Variants in ZNF773 observed in about 807,000 individuals in gnomAD.
The protein encoded by ZNF773 is zinc finger protein 419B.
In ZNF773, 11 loss-of-function variants were observed where a neutral mutation model predicts 12.8. That is an observed-to-expected ratio of 0.86 (90% CI 0.54 to 1.42). ZNF773 has a LOEUF of 1.42. Among genes scored for constraint, ZNF773 ranks in the 40% most tolerant of loss-of-function variants. The probability of loss-of-function intolerance (pLI) is 0.00; values close to 1 mark genes in which losing one functional copy is unlikely to be tolerated. For synonymous variants in ZNF773, 175 were observed against 178.4 expected (o/e 0.98, Z 0.15); for missense variants, 518 against 527.2 (o/e 0.98, Z 0.17).
At chr19:57,513,124 G>T, downstream of ZNF773, 1 of 1,430,908 alleles carries the variant, frequency 7.0e-7, no homozygotes, top group Non-Finnish European at 9.2e-7. Flanking sequence ...AGAAACCCCA[G>T]GACAAGTCTG....
chr19:57,506,240 C>T, intron 3 of ZNF773, 118 bp from the exon 4 acceptor site: 1 of 1,481,932 alleles, frequency 6.7e-7, no homozygotes, highest in Non-Finnish European at 9.0e-7. Context: ...AAGCGCTAGC[C>T]CCCTCATTCT....
Position 57,508,197 on chromosome 19 carries a change from G to T in ZNF773, c.*773G>T. The stretch of plus-strand genomic sequence containing the variant: ...GAAACTCTGAGGGTGATCTTTATGA[G>T]GGAGCTGGCAATTGAACATCATTCA... On this transcript the variant is annotated 3_prime_UTR_variant, in exon 4 of 4. Transcript: ENST00000282292. 1 of 1,057,866 alleles carries T rather than the reference G, an allele frequency of 9.5e-7. No individual in the cohort carries two copies. The highest frequency in any genetic ancestry group is 5.3e-5 in the Admixed American group (1 of 18,850). The allele number at this position is 1,057,866 out of a possible 1,614,324, so 65.5% of individuals were successfully genotyped here.
chr19:57,506,291 C>T lies in ZNF773; in HGVS notation c.263-67C>T, dbSNP rs200137463. Reference sequence around the variant, plus strand: ...CGCTAATTACCAGGTGTGTCAGACACGTGTGAGAGTGCTGCCTTCTCACAC... The same window carrying T: ...CGCTAATTACCAGGTGTGTCAGACATGTGTGAGAGTGCTGCCTTCTCACAC... On this transcript the variant is annotated intron_variant, in intron 3 of 3. Transcript: ENST00000282292. 5.3e-4 allele frequency: 814 copies of T among 1,547,580 alleles called. 7 individuals are homozygous for T. The highest frequency in any genetic ancestry group is 2.2e-3 in the South Asian group (173 of 78,338).
intron 3 of ZNF773, among the ~76,000 whole-genome samples, chr19:57,505,843 A>G (rs1486906028): frequency 6.6e-6 from 1 of 151,336 alleles, no homozygotes; most frequent in Non-Finnish European, 1.5e-5. Flanking sequence ...CCTAGTAGCC[A>G]GGACTACAGG....
chr19:57,512,189 G>T (rs2089800759), downstream of ZNF773, among the ~76,000 whole-genome samples: 1 of 152,032 alleles, frequency 6.6e-6, no homozygotes, highest in African/African-American at 2.4e-5. Flanking sequence ...AAAGTTTTTT[G>T]AATATTTGAG....
intron 1 of ZNF773, among the ~76,000 whole-genome samples, chr19:57,503,617 C>A (rs1376123319): frequency 6.6e-6 from 1 of 150,516 alleles, no homozygotes; most frequent in Non-Finnish European, 1.5e-5. Flanking sequence ...CAAATGAGGT[C>A]ATCTGAGAGA....
At chr19:57,503,318 C>T (rs1217456316) in intron 1 of ZNF773, among the ~76,000 whole-genome samples, 2 of 152,034 alleles carry the variant, frequency 1.3e-5, no homozygotes. Flanking sequence ...TGTATAGGGG[C>T]CAAGAACTGG....
chr19:57,511,055 ATT>A (rs58295363), downstream of ZNF773, among the ~76,000 whole-genome samples: 42,452 of 115,710 alleles, frequency 0.37, 7,445 homozygotes, highest in East Asian at 0.64. Flanking sequence ...TATTTTATTT[ATT>A]TTTTTTTTTT....
rs774422737 is a variant in ZNF773 at position 57,507,439 on chromosome 19, T to G, written c.*15T>G. On this transcript the variant is annotated 3_prime_UTR_variant, in exon 4 of 4. Transcript: ENST00000282292. ...AAATACAATGATTGTGAGAAATCCTTTAGCTGGTGTTTCAACCTCATTCAA... is the reference window on the plus strand; with the variant it reads ...AAATACAATGATTGTGAGAAATCCTGTAGCTGGTGTTTCAACCTCATTCAA... 2.0e-5 allele frequency: 32 copies of G among 1,565,930 alleles called. No individual in the cohort carries two copies. The highest frequency in any genetic ancestry group is 2.8e-5 in the Non-Finnish European group (32 of 1,159,978).
intron 1 of ZNF773, among the ~76,000 whole-genome samples, chr19:57,501,155 C>T (rs2089665402): frequency 6.6e-6 from 1 of 152,182 alleles, no homozygotes; most frequent in African/African-American, 2.4e-5. Flanking sequence ...CCCTAGCTAT[C>T]AGCACAGGTG....
In ZNF773 at chr19:57,507,039, A is replaced by G. The variant is rs774849624; in HGVS notation, c.944A>G (p.Asn315Ser). 2 of 1,613,868 alleles carry G rather than the reference A, an allele frequency of 1.2e-6. No individual in the cohort carries two copies. Among genetic ancestry groups the G allele is most frequent in the South Asian group, 2.2e-5 (2 of 91,064 alleles). The change falls in exon 4 of 4, where the codon AAC (asparagine) becomes AGC (serine). Residue 315 changes from asparagine (N) to serine (S), a missense_variant. By Grantham distance (46) the Asn-to-Ser change is conservative (BLOSUM62 1). Transcript: ENST00000282292. ...CSECGKLFSF[N>S]SSLMKHQRVH... Reference sequence around the variant, plus strand: ...GAATGTGGAAAATTGTTTAGTTTCAACTCCAGCCTCATGAAACATCAGAGA... The same window carrying G: ...GAATGTGGAAAATTGTTTAGTTTCAGCTCCAGCCTCATGAAACATCAGAGA...
At position 57,507,715 on chromosome 19, in the gene ZNF773, T is replaced by G. The variant is rs2089757484; in HGVS notation, c.*291T>G. The G allele has an allele frequency of 8.4e-7, 1 of 1,190,714 alleles. No individual in the cohort carries two copies. The highest frequency in any genetic ancestry group is 4.1e-5 in the Admixed American group (1 of 24,154). The allele number at this position is 1,190,714 out of a possible 1,614,324, so 73.8% of individuals were successfully genotyped here. A position where few individuals can be genotyped will look rare whatever the true frequency, so the allele number is the denominator to read the frequency against. ...ACAGCCAGGCGTGGTGGCTGACACC[T>G]GTTATTCTCACCACTTTGGGAGGCT... On this transcript the variant is annotated 3_prime_UTR_variant, in exon 4 of 4. Coordinates refer to ENST00000282292, the MANE Select transcript of ZNF773 (RefSeq NM_198542.3).
At chr19:57,514,609 T>C (rs1287951135), downstream of ZNF773, 1 of 152,210 alleles carries the variant, frequency 6.6e-6, no homozygotes, top group Non-Finnish European at 1.5e-5. Context: ...GTAATAGTAT[T>C]AGAATGGCTT....
downstream of ZNF773, chr19:57,514,564 C>T (rs1216556173): frequency 6.6e-6 from 1 of 152,218 alleles, no homozygotes; most frequent in Non-Finnish European, 1.5e-5. Flanking sequence ...TCCCATTCTC[C>T]AACAGGACTT....
chr19:57,505,639 T>C (rs2089721520), intron 3 of ZNF773, among the ~76,000 whole-genome samples: 1 of 152,016 alleles, frequency 6.6e-6, no homozygotes, highest in South Asian at 2.1e-4. Flanking sequence ...AGCAGTGGCT[T>C]TCACTGAATG....
chr19:57,512,519 T>C (rs2089803590), downstream of ZNF773, among the ~76,000 whole-genome samples: 1 of 151,396 alleles, frequency 6.6e-6, no homozygotes, highest in Non-Finnish European at 1.5e-5. Context: ...TTCTCCTGTC[T>C]CAGTCTCCTG....
At chr19:57,514,852 T>G (rs2089822001), downstream of ZNF773, 1 of 152,074 alleles carries the variant, frequency 6.6e-6, no homozygotes, top group African/African-American at 2.4e-5. Flanking sequence ...CAGACAAAAT[T>G]TTGCAATTTT....
At chr19:57,511,817 C>T (rs1252786927), downstream of ZNF773, among the ~76,000 whole-genome samples, 1 of 151,796 alleles carries the variant, frequency 6.6e-6, no homozygotes, top group East Asian at 1.9e-4. Flanking sequence ...CCTTAAAATA[C>T]CATTCAACAA....
At chr19:57,513,256 G>C, downstream of ZNF773, 3 of 506,098 alleles carry the variant, frequency 5.9e-6, no homozygotes. Flanking sequence ...TCACTTAAAG[G>C]TTTACTTAAA....
Sources: allele counts gnomAD v4.1 joint callset (sites outside exome capture counted in the v4.1 genomes callset), GRCh38; gene constraint gnomAD v4.1.1; transcripts MANE v1.5; gene names NCBI Gene and HGNC (gene_info 2026-07-23, HGNC 2026-07-21).